The following EXOC5 variants were observed in gnomAD, a reference collection of about 807,000 sequenced individuals.
EXOC5 encodes the protein exocyst complex component 5.
In EXOC5, 17 loss-of-function variants were observed where a neutral mutation model predicts 90.8. The observed-to-expected ratio is 0.19, with a 90% CI of 0.13 to 0.28. EXOC5 has a LOEUF of 0.28. Ranked by LOEUF, EXOC5 falls within the 10% of genes least tolerant of loss-of-function variation. The probability of loss-of-function intolerance (pLI) is 1.00; values close to 1 mark genes in which losing one functional copy is unlikely to be tolerated. For missense variants in EXOC5, 569 were observed against 830.6 expected (o/e 0.69, Z 3.87); for synonymous variants, 260 against 270.0 (o/e 0.96, Z 0.36).
rs915493939 is a variant in EXOC5, at chr14:57,207,160, C to T, written c.*1449G>A. 3.9e-5 allele frequency: 6 copies of T among 152,468 alleles called. No individual in the cohort carries two copies. The highest frequency in any genetic ancestry group is 1.4e-4 in the African/African-American group (6 of 41,424). 9.4% of individuals were successfully genotyped at this position (152,468 alleles called of 1,614,324 possible). On this transcript the variant is annotated 3_prime_UTR_variant, in exon 18 of 18. Coordinates refer to ENST00000621441, the MANE Select transcript of EXOC5 (RefSeq NM_006544.4). The stretch of plus-strand genomic sequence containing the variant: ...GACTAAACAGAAAATGAAGAAAATT[C>T]AGTCAATAGTAACTTAAACAGTACT...
At chr14:57,262,124 A>G (rs1276692813) in intron 1 of EXOC5, among the ~76,000 whole-genome samples, 1 of 152,130 alleles carries the variant, frequency 6.6e-6, no homozygotes, top group African/African-American at 2.4e-5. Flanking sequence ...TCCCTGATAG[A>G]TCTCTAATCT....
chr14:57,209,189 A>G (rs1238625585), intron 17 of EXOC5, among the ~76,000 whole-genome samples: 3 of 152,030 alleles, frequency 2.0e-5, no homozygotes, highest in Non-Finnish European at 4.4e-5. Flanking sequence ...TAAGTCAAAG[A>G]CTGTGGAACT....
intron 13 of EXOC5, among the ~76,000 whole-genome samples, chr14:57,220,763 G>A (rs983074708): frequency 2.6e-5 from 4 of 152,084 alleles, no homozygotes; most frequent in Non-Finnish European, 5.9e-5. Context: ...CTATGCCACT[G>A]CACTCTGGCC....
intron 1 of EXOC5, among the ~76,000 whole-genome samples, chr14:57,267,522 T>A (rs1314275251): frequency 6.6e-6 from 1 of 152,212 alleles, no homozygotes; most frequent in Non-Finnish European, 1.5e-5. Context: ...TATGGAGAAG[T>A]TCCCTATTGT....
intron 1 of EXOC5, among the ~76,000 whole-genome samples, chr14:57,249,762 G>A (rs376060927): frequency 1.1e-4 from 17 of 151,970 alleles, no homozygotes; most frequent in Non-Finnish European, 2.4e-4. Flanking sequence ...TGATGATGAT[G>A]ATGATGATTT....
At chr14:57,235,634 TCAGAGACTATAATATATAGAA>T in intron 7 of EXOC5, 56 bp downstream of exon 7, 1 of 721,358 alleles carries the variant, frequency 1.4e-6, no homozygotes, top group Non-Finnish European at 2.4e-6. Context: ...ATGGGGGAAA[TCAGAGACTATAATATATAGAA>T]CTTACGTAAT....
chr14:57,229,960 T>C (rs1566730058), intron 11 of EXOC5, 79 bp from the exon 12 acceptor site: 1 of 804,408 alleles, frequency 1.2e-6, no homozygotes, highest in Non-Finnish European at 1.8e-6. Context: ...AAACTTAGTA[T>C]ATATCAACAA....
intron 12 of EXOC5, among the ~76,000 whole-genome samples, chr14:57,228,542 A>C (rs1334303633): frequency 6.6e-6 from 1 of 152,186 alleles, no homozygotes; most frequent in African/African-American, 2.4e-5. Context: ...GGATGAGTTC[A>C]TGTCCTTTGC....
chr14:57,257,277 G>A (rs778684240), intron 1 of EXOC5, among the ~76,000 whole-genome samples: 10 of 152,214 alleles, frequency 6.6e-5, no homozygotes, highest in Non-Finnish European at 1.3e-4. Flanking sequence ...GAAGGAGATG[G>A]ATGAGGGAGC....
chr14:57,231,301 G>A (rs543278976), intron 11 of EXOC5, among the ~76,000 whole-genome samples: 2 of 152,014 alleles, frequency 1.3e-5, no homozygotes, highest in Non-Finnish European at 2.9e-5. Context: ...GAGTTACCAC[G>A]CCCGGCTTAC....
chr14:57,231,723 T>G lies in EXOC5; in HGVS notation c.939-8A>C, dbSNP rs1883490900. The G allele has an allele frequency of 2.6e-6, 4 of 1,566,202 alleles. No individual in the cohort carries two copies. The highest frequency in any genetic ancestry group is 2.6e-6 in the Non-Finnish European group (3 of 1,150,730). On this transcript the variant is annotated splice_region_variant and splice_polypyrimidine_tract_variant and intron_variant, in intron 10 of 17. Transcript: ENST00000621441. ...CTGGAAAGATTGGTGGTTCTTTTCA[T>G]GAAAAAGGGGGAGAAAAAGATTAAT...
intron 4 of EXOC5, 94 bp downstream of exon 4, chr14:57,244,071 T>C (rs947204818): frequency 2.5e-6 from 2 of 784,822 alleles, no homozygotes; most frequent in Non-Finnish European, 4.2e-6. Context: ...ACTCAGTGAT[T>C]TGAAGTCTAA....
At chr14:57,258,624 C>T (rs1422626504) in intron 1 of EXOC5, among the ~76,000 whole-genome samples, 1 of 152,126 alleles carries the variant, frequency 6.6e-6, no homozygotes, top group African/African-American at 2.4e-5. Context: ...TGCAGCAAAC[C>T]ACCATGGCAT....
rs544505854 is a variant in EXOC5 at position 57,244,762 on chromosome 14, C to T, written c.271-403G>A. Among the ~76,000 whole-genome samples the T allele has an allele frequency of 3.3e-5, 5 of 152,054 alleles. No homozygotes were observed. The South Asian group carries it at 6.2e-4, about 19-fold the overall frequency. ...AATAAAAAATATGTCAGTAGGAGGC[C>T]GAGGGAGGCAGATCACTTGAGGTCA... On this transcript the variant is annotated intron_variant, in intron 3 of 17. Transcript: ENST00000621441.
intron 13 of EXOC5, among the ~76,000 whole-genome samples, chr14:57,221,647 G>T (rs893342959): frequency 2.0e-5 from 3 of 152,184 alleles, no homozygotes; most frequent in Non-Finnish European, 4.4e-5. Flanking sequence ...CCTGGGTTTT[G>T]TTGGGGATTG....
intron 12 of EXOC5, among the ~76,000 whole-genome samples, 187 bp downstream of exon 12, chr14:57,229,541 AATAATT>A (rs978846020): frequency 6.1e-4 from 93 of 152,290 alleles, no homozygotes; most frequent in African/African-American, 2.1e-3. Context: ...AATATATATA[AATAATT>A]ATAAGTAATC....
At chr14:57,256,742 C>T (rs1884359497) in intron 1 of EXOC5, among the ~76,000 whole-genome samples, 1 of 152,172 alleles carries the variant, frequency 6.6e-6, no homozygotes, top group Admixed American at 6.5e-5. Context: ...CACCCAATGT[C>T]ATGTCTTTCC....
chr14:57,241,732 A>G (rs1883863562), intron 4 of EXOC5, among the ~76,000 whole-genome samples: 1 of 152,228 alleles, frequency 6.6e-6, no homozygotes, highest in African/African-American at 2.4e-5. Context: ...TCTAATAGTT[A>G]TTGACATTTG....
chr14:57,217,848 A>G (rs1490107187), intron 15 of EXOC5, 134 bp downstream of exon 15: 2 of 639,790 alleles, frequency 3.1e-6, no homozygotes, highest in Middle Eastern at 3.4e-4. Flanking sequence ...GGCAATATGT[A>G]AAAATAAAAT....
Sources: allele counts gnomAD v4.1 joint callset (sites outside exome capture counted in the v4.1 genomes callset), GRCh38; gene constraint gnomAD v4.1.1; transcripts MANE v1.5; gene names NCBI Gene and HGNC (gene_info 2026-07-23, HGNC 2026-07-21).